WWOX: variants seen among roughly 807,000 people sequenced by gnomAD.
WWOX encodes the protein WW domain containing oxidoreductase.
In WWOX, 69 loss-of-function variants were observed where a neutral mutation model predicts 46.2. That is an observed-to-expected ratio of 1.49 (90% CI 1.23 to 1.82). The LOEUF is 1.82. WWOX is among the 40% of genes most tolerant of loss of function. WWOX has a pLI of 0.00. For missense variants in WWOX, 919 were observed against 542.6 expected (o/e 1.69, Z -6.89); for synonymous variants, 359 against 202.6 (o/e 1.77, Z -6.56).
chr16:78,547,563 A>C (rs962338006), intron 8 of WWOX, among the ~76,000 whole-genome samples: 1 of 152,186 alleles, frequency 6.6e-6, no homozygotes, highest in African/African-American at 2.4e-5. Flanking sequence ...TGTCCTGGCT[A>C]CTATAACAAA....
At position 78,126,491 on chromosome 16, in the gene WWOX, T is replaced by C. The variant is rs1243393780; in HGVS notation, c.409+11337T>C. The stretch of plus-strand genomic sequence containing the variant: ...GTCGGGCCATTTGTTTTTTAACGAA[T>C]TGCCCTTTCATCTTATATGCATGAC... On this transcript the variant is annotated intron_variant, in intron 4 of 8. Transcript: ENST00000566780. Among the ~76,000 whole-genome samples the C allele has an allele frequency of 2.6e-5, 4 of 152,234 alleles. No homozygotes were observed. The South Asian group carries it at 6.2e-4, about 24-fold the overall frequency.
At chr16:78,377,909 C>T (rs933225233) in intron 5 of WWOX, among the ~76,000 whole-genome samples, 1 of 152,056 alleles carries the variant, frequency 6.6e-6, no homozygotes, top group Non-Finnish European at 1.5e-5. Context: ...GTTCCAGCAA[C>T]ACAAGGCAAA....
chr16:78,885,277 C>G (rs755833947), intron 8 of WWOX, among the ~76,000 whole-genome samples: 12 of 148,326 alleles, frequency 8.1e-5, no homozygotes, highest in Admixed American at 1.4e-4. Context: ...CTTCTTCCAT[C>G]TGTATTTTCT....
chr16:78,533,293 A>G (rs1198268700), intron 8 of WWOX, among the ~76,000 whole-genome samples: 1 of 152,106 alleles, frequency 6.6e-6, no homozygotes, highest in African/African-American at 2.4e-5. Context: ...CTGTAATCCC[A>G]GCACTTTTGG....
intron 8 of WWOX, among the ~76,000 whole-genome samples, chr16:78,657,152 A>C (rs1205809249): frequency 1.3e-5 from 2 of 151,902 alleles, no homozygotes; most frequent in Admixed American, 1.3e-4. Flanking sequence ...CCACCACCCA[A>C]TGTGTCCTGC....
chr16:79,094,450 C>T (rs1193243054), intron 8 of WWOX, among the ~76,000 whole-genome samples: 1 of 152,008 alleles, frequency 6.6e-6, no homozygotes, highest in Non-Finnish European at 1.5e-5. Flanking sequence ...CTGGGTTTCA[C>T]CATGTTGGCC....
Position 79,100,264 on chromosome 16 carries a change from T to A in WWOX, c.1057-111344T>A, listed in dbSNP as rs200381829. On this transcript the variant is annotated intron_variant, in intron 8 of 8. Transcript: ENST00000566780. ...AGATACCCACCAAAGATAAATAAGATCAAGATTAGAATGTCTTCTTTTGAT... is the reference window on the plus strand; with the variant it reads ...AGATACCCACCAAAGATAAATAAGAACAAGATTAGAATGTCTTCTTTTGAT... Among the ~76,000 whole-genome samples, 5 of 152,248 alleles carry A rather than the reference T, an allele frequency of 3.3e-5. No individual in the cohort carries two copies. The East Asian group carries it at 9.7e-4, about 29-fold the overall frequency.
intron 8 of WWOX, among the ~76,000 whole-genome samples, chr16:78,639,970 G>T (rs1274768849): frequency 3.3e-5 from 5 of 152,144 alleles, no homozygotes; most frequent in South Asian, 2.1e-4. Context: ...GGCACAGCTG[G>T]TTTCCTTTTT....
chr16:79,155,080 T>A (rs1567586519), intron 8 of WWOX, among the ~76,000 whole-genome samples: 1 of 152,184 alleles, frequency 6.6e-6, no homozygotes, highest in Non-Finnish European at 1.5e-5. Context: ...CTGGCAAGCT[T>A]TTGCTTAAGA....
intron 8 of WWOX, among the ~76,000 whole-genome samples, chr16:78,832,726 A>G (rs1049953756): frequency 6.6e-6 from 1 of 152,096 alleles, no homozygotes; most frequent in Non-Finnish European, 1.5e-5. Context: ...AACCCAAGGG[A>G]ATCATGTGTC....
intron 8 of WWOX, among the ~76,000 whole-genome samples, chr16:78,929,812 G>T (rs1335111365): frequency 6.6e-6 from 1 of 152,240 alleles, no homozygotes; most frequent in South Asian, 2.1e-4. Context: ...ATAAATCCAA[G>T]AAAGACTGGG....
At chr16:79,198,923 C>T (rs1379957462) in intron 8 of WWOX, among the ~76,000 whole-genome samples, 1 of 152,182 alleles carries the variant, frequency 6.6e-6, no homozygotes. Context: ...GTGCTGTGGA[C>T]ATGTTCCTAT....
chr16:78,764,836 C>T (rs755570022), intron 8 of WWOX, among the ~76,000 whole-genome samples: 1 of 151,878 alleles, frequency 6.6e-6, no homozygotes, highest in Non-Finnish European at 1.5e-5. Context: ...TATTGTTGCT[C>T]ATAGCAAAGG....
intron 8 of WWOX, among the ~76,000 whole-genome samples, chr16:78,817,212 C>T (rs188400736): frequency 1.7e-3 from 186 of 110,698 alleles, no homozygotes; most frequent in African/African-American, 6.2e-3. Flanking sequence ...TTCTTCAACC[C>T]TGACTCTGAT....
At chr16:78,640,523 C>G (rs186413399) in intron 8 of WWOX, among the ~76,000 whole-genome samples, 3 of 152,076 alleles carry the variant, frequency 2.0e-5, no homozygotes, top group African/African-American at 7.2e-5. Flanking sequence ...TCCGAAACAA[C>G]CACCCGTGCT....
chr16:79,039,820 G>T (rs530490574), intron 8 of WWOX, among the ~76,000 whole-genome samples: 2 of 152,300 alleles, frequency 1.3e-5, no homozygotes, highest in African/African-American at 2.4e-5. Context: ...TCTTCTGTCT[G>T]TCTGATATTC....
At chr16:78,665,576 C>G (rs1015906083) in intron 8 of WWOX, among the ~76,000 whole-genome samples, 2 of 152,072 alleles carry the variant, frequency 1.3e-5, no homozygotes, top group African/African-American at 4.8e-5. Context: ...CCCTCTACCA[C>G]GCTGACTGGC....
rs558510799 is a variant in WWOX at position 78,786,898 on chromosome 16, A to C, written c.1056+354146A>C. Reference sequence around the variant, plus strand: ...CGTGGTGACTCACGCCTGTAATCCCAACACTTTGGGAGGCTGAGGTGGGTG... The same window carrying C: ...CGTGGTGACTCACGCCTGTAATCCCCACACTTTGGGAGGCTGAGGTGGGTG... On this transcript the variant is annotated intron_variant, in intron 8 of 8. Transcript: ENST00000566780. Among the ~76,000 whole-genome samples the C allele has an allele frequency of 2.0e-5, 3 of 152,352 alleles. No homozygotes were observed. The East Asian group carries it at 5.8e-4, about 29-fold the overall frequency.
chr16:78,931,854 A>G (rs976955889), intron 8 of WWOX, among the ~76,000 whole-genome samples: 1 of 152,056 alleles, frequency 6.6e-6, no homozygotes, highest in Non-Finnish European at 1.5e-5. Flanking sequence ...CATGGGAGGG[A>G]TTTGAATCGT....
Sources: allele counts gnomAD v4.1 joint callset (sites outside exome capture counted in the v4.1 genomes callset), GRCh38; gene constraint gnomAD v4.1.1; transcripts MANE v1.5; gene names NCBI Gene and HGNC (gene_info 2026-07-23, HGNC 2026-07-21).